The following FEZ2 variants were observed in gnomAD, a reference collection of about 807,000 sequenced individuals.
FEZ2 encodes fasciculation and elongation protein zeta 2.
FEZ2 carries 51 observed loss-of-function variants against 40.4 expected under a neutral mutation model. The observed-to-expected ratio is 1.26, with a 90% CI of 1.01 to 1.59. FEZ2 has a LOEUF of 1.59. FEZ2 is among the 40% of genes most tolerant of loss of function. The pLI, the probability that FEZ2 is intolerant of heterozygous loss-of-function variation, is 0.00. For missense variants in FEZ2, 640 were observed against 438.3 expected (o/e 1.46, Z -4.11); for synonymous variants, 242 against 172.0 (o/e 1.41, Z -3.18).
chr2:36,559,636 G>T (rs1381545823), intron 5 of FEZ2, among the ~76,000 whole-genome samples: 5 of 152,162 alleles, frequency 3.3e-5, no homozygotes, highest in Non-Finnish European at 7.3e-5. Context: ...ATGTTTCTTT[G>T]TAAAGAACAA....
intron 2 of FEZ2, chr2:36,590,640 G>C: frequency 2.7e-6 from 1 of 375,270 alleles, no homozygotes; most frequent in Non-Finnish European, 4.8e-6. Context: ...CTGGGCAACA[G>C]AGTGAGACTC....
intron 5 of FEZ2, among the ~76,000 whole-genome samples, chr2:36,568,660 T>C (rs1214613858): frequency 6.6e-6 from 1 of 152,204 alleles, no homozygotes; most frequent in East Asian, 1.9e-4. Context: ...AGGGAAATGA[T>C]TAAGCATTAC....
chr2:36,554,706 C>A (rs1205865546), intron 7 of FEZ2, among the ~76,000 whole-genome samples: 1 of 152,208 alleles, frequency 6.6e-6, no homozygotes, highest in African/African-American at 2.4e-5. Context: ...CGCATCAAGA[C>A]TCTTACAAGT....
intron 5 of FEZ2, 199 bp from the exon 6 acceptor site, chr2:36,558,712 C>T (rs1668017670): frequency 2.7e-6 from 1 of 376,622 alleles, no homozygotes; most frequent in Non-Finnish European, 4.8e-6. Context: ...CCTCTATTTG[C>T]TTCATACAAA....
intron 2 of FEZ2, among the ~76,000 whole-genome samples, chr2:36,585,299 T>C (rs541426729): frequency 1.3e-5 from 2 of 152,152 alleles, no homozygotes; most frequent in East Asian, 3.9e-4. Flanking sequence ...TCTGAAAAAA[T>C]TTACCTCTCA....
At chr2:36,571,783 A>G (rs956198432) in intron 5 of FEZ2, among the ~76,000 whole-genome samples, 9 of 151,876 alleles carry the variant, frequency 5.9e-5, no homozygotes, top group Non-Finnish European at 1.2e-4. Flanking sequence ...GGGCAGGTGG[A>G]TCACCTGAGA....
intron 6 of FEZ2, chr2:36,556,612 T>C (rs1331429457): frequency 6.6e-6 from 1 of 152,244 alleles, no homozygotes; most frequent in Non-Finnish European, 1.5e-5. Flanking sequence ...TGTGTGACGC[T>C]GAGCAAGCTA....
intron 1 of FEZ2, among the ~76,000 whole-genome samples, chr2:36,596,897 T>C (rs1224846571): frequency 1.3e-5 from 2 of 152,152 alleles, no homozygotes; most frequent in African/African-American, 2.4e-5. Flanking sequence ...GGTACCTAAT[T>C]ACAACTCTTA....
At chr2:36,596,630 A>C (rs930655192) in intron 1 of FEZ2, among the ~76,000 whole-genome samples, 1 of 151,568 alleles carries the variant, frequency 6.6e-6, no homozygotes, top group African/African-American at 2.4e-5. Context: ...GACTTCACTA[A>C]TTTTTTTTTA....
chr2:36,587,062 G>A (rs1359994620), intron 2 of FEZ2, among the ~76,000 whole-genome samples: 1 of 152,204 alleles, frequency 6.6e-6, no homozygotes, highest in Non-Finnish European at 1.5e-5. Flanking sequence ...GCACATGGAA[G>A]GAGAAATACA....
chr2:36,566,918 CA>C (rs1342158289), intron 5 of FEZ2, among the ~76,000 whole-genome samples: 1 of 151,430 alleles, frequency 6.6e-6, no homozygotes, highest in East Asian at 2.0e-4. Context: ...CATTATTAAG[CA>C]AATTAAAAAC....
At chr2:36,597,080 C>T (rs1314838787) in intron 1 of FEZ2, among the ~76,000 whole-genome samples, 2 of 152,072 alleles carry the variant, frequency 1.3e-5, no homozygotes, top group Admixed American at 6.6e-5. Context: ...CCAGACCATG[C>T]GATCGTTACC....
At chr2:36,573,048 AT>A (rs1668461560) in intron 5 of FEZ2, among the ~76,000 whole-genome samples, 1 of 152,202 alleles carries the variant, frequency 6.6e-6, no homozygotes, top group South Asian at 2.1e-4. Context: ...AGTTGTCCGT[AT>A]AAACTTTTTC....
In FEZ2 at chr2:36,558,469, C is replaced by A; in HGVS notation, c.948G>T (p.Pro316=). 6.5e-7 allele frequency: 1 copy of A among 1,526,830 alleles called. No homozygotes were observed. The highest frequency in any genetic ancestry group is 8.8e-7 in the Non-Finnish European group (1 of 1,133,316). 94.6% of individuals were successfully genotyped at this position (1,526,830 alleles called of 1,614,324 possible). A position where few individuals can be genotyped will look rare whatever the true frequency, so the allele number is the denominator to read the frequency against. ...VIPYEKKNGP[P]SVEDLQILTK... ...TTAATATTTGAAGATCTTCAACAGA[C>A]GGTGGTCCGTTTTTTTTCTCATAAG... The change falls in exon 6 of 8, where the codon CCG becomes CCT. Residue 316 remains proline, a synonymous_variant. Coordinates refer to ENST00000405912, the MANE Select transcript of FEZ2 (RefSeq NM_005102.3).
At chr2:36,565,808 G>A (rs1668219978) in intron 5 of FEZ2, among the ~76,000 whole-genome samples, 1 of 152,170 alleles carries the variant, frequency 6.6e-6, no homozygotes, top group Admixed American at 6.5e-5. Flanking sequence ...GGGGGTCAGT[G>A]TAGTGGGGTG....
intron 5 of FEZ2, among the ~76,000 whole-genome samples, chr2:36,577,612 C>A (rs1668612321): frequency 1.3e-5 from 2 of 152,198 alleles, no homozygotes; most frequent in Non-Finnish European, 2.9e-5. Context: ...TGGATTTATT[C>A]ATAGGCTAAT....
At position 36,598,091 on chromosome 2, in the gene FEZ2, G is replaced by A. The variant is rs1280211104; in HGVS notation, c.52C>T (p.Arg18Trp). Residue 18 changes from arginine (R) to tryptophan (W), a missense_variant, in exon 1 of 8, where the codon CGG (arginine) becomes TGG (tryptophan). Transcript: ENST00000405912. Reference protein sequence around the residue: ...QDFYEFQEPARSLLDQENCNA... With the variant: ...QDFYEFQEPAWSLLDQENCNA... ...CAGTTCTCCTGGTCCAGGAGGCTCC[G>A]GGCCGGCTCCTGGAACTCATAGAAA... is the stretch of plus-strand genomic sequence containing the variant. 51 of 1,477,620 alleles carry A rather than the reference G, an allele frequency of 3.5e-5. No individual in the cohort carries two copies. The highest frequency in any genetic ancestry group is 4.1e-5 in the Non-Finnish European group (46 of 1,126,144). 91.5% of individuals were successfully genotyped at this position (1,477,620 alleles called of 1,614,324 possible).
intron 5 of FEZ2, among the ~76,000 whole-genome samples, chr2:36,575,559 C>G (rs919429216): frequency 1.3e-5 from 2 of 152,186 alleles, no homozygotes; most frequent in African/African-American, 4.8e-5. Flanking sequence ...ATTGTTTCAT[C>G]TTACCCAACA....
chr2:36,553,904 C>T (rs1425721921), intron 7 of FEZ2, among the ~76,000 whole-genome samples: 1 of 152,192 alleles, frequency 6.6e-6, no homozygotes, highest in African/African-American at 2.4e-5. Flanking sequence ...GGAAGAGGAA[C>T]AGTTAACCAG....
Sources: allele counts gnomAD v4.1 joint callset (sites outside exome capture counted in the v4.1 genomes callset), GRCh38; gene constraint gnomAD v4.1.1; transcripts MANE v1.5; gene names NCBI Gene and HGNC (gene_info 2026-07-23, HGNC 2026-07-21).